Variants in CDH2 observed in about 807,000 individuals in gnomAD.
The protein encoded by CDH2 is cadherin 2, also known as cadherin-2.
In CDH2, 17 loss-of-function variants were observed where a neutral mutation model predicts 92.0. The ratio of observed to expected loss-of-function variants is 0.18; its 90% CI spans 0.13 to 0.28. The LOEUF is 0.28. Ranked by LOEUF, CDH2 falls within the 10% of genes least tolerant of loss-of-function variation. CDH2 has a pLI of 1.00. For missense variants in CDH2, 862 were observed against 1,133.1 expected, an observed-to-expected ratio of 0.76 and a Z score of 3.44; for synonymous variants, 419 against 415.9, an observed-to-expected ratio of 1.01 and a Z score of -0.09.
intron 15 of CDH2, among the ~76,000 whole-genome samples, chr18:27,956,454 T>C (rs117350047): frequency 0.018 from 2,687 of 152,288 alleles, 34 homozygotes; most frequent in Middle Eastern, 0.041. Context: ...AAACCCACAT[T>C]ATCCAGCGAG....
chr18:28,124,559 A>G (rs953650175), intron 2 of CDH2, among the ~76,000 whole-genome samples: 2 of 152,272 alleles, frequency 1.3e-5, no homozygotes, highest in Admixed American at 6.5e-5. Flanking sequence ...ACATCTCCCA[A>G]AAGGCTTTCC....
chr18:28,050,210 A>C lies in CDH2; in HGVS notation c.173-36301T>G, dbSNP rs533695580. On this transcript the variant is annotated intron_variant, in intron 2 of 15. Transcript: ENST00000269141. ...GCATCACTGTGGCAAATGCTAACTG[A>C]GAACAATATCAACAACACATCATCA... 1.5e-4 allele frequency among the ~76,000 whole-genome samples: 23 copies of C among 152,328 alleles called. 1 individual carries two copies. The highest frequency in any genetic ancestry group is 1.3e-3 in the Admixed American group (20 of 15,302).
At chr18:28,156,163 A>G (rs939455731) in intron 1 of CDH2, among the ~76,000 whole-genome samples, 2 of 152,140 alleles carry the variant, frequency 1.3e-5, no homozygotes, top group Admixed American at 1.3e-4. Flanking sequence ...TATTTTAATT[A>G]TCTTATTAGG....
At chr18:28,171,990 CAATT>C (rs1040993969) in intron 1 of CDH2, among the ~76,000 whole-genome samples, 3 of 151,984 alleles carry the variant, frequency 2.0e-5, no homozygotes, top group African/African-American at 7.3e-5. Context: ...AGTAATCAAT[CAATT>C]ATTGATTGAC....
intron 2 of CDH2, among the ~76,000 whole-genome samples, chr18:28,117,107 G>T (rs1307353159): frequency 1.3e-5 from 2 of 151,928 alleles, no homozygotes; most frequent in Non-Finnish European, 2.9e-5. Context: ...TTTTTATGCT[G>T]CTATTTAATA....
chr18:27,944,378 A>G (rs1909216350), intron 6 of CDH2, among the ~76,000 whole-genome samples: 1 of 152,172 alleles, frequency 6.6e-6, no homozygotes, highest in African/African-American at 2.4e-5. Flanking sequence ...CCATTTCATA[A>G]TTAAGTTAGC....
chr18:28,121,391 C>A (rs1188698824), intron 2 of CDH2, among the ~76,000 whole-genome samples: 2 of 152,004 alleles, frequency 1.3e-5, no homozygotes, highest in Non-Finnish European at 2.9e-5. Flanking sequence ...TATTCTAACT[C>A]CTTGGTCATT....
intron 1 of CDH2, among the ~76,000 whole-genome samples, chr18:28,170,239 T>G (rs956079235): frequency 6.6e-6 from 1 of 152,236 alleles, no homozygotes; most frequent in Non-Finnish European, 1.5e-5. Flanking sequence ...AAATCTACTG[T>G]TTGATTGTAT....
intron 6 of CDH2, among the ~76,000 whole-genome samples, chr18:27,941,546 C>T (rs1357244168): frequency 6.6e-6 from 1 of 152,106 alleles, no homozygotes; most frequent in Non-Finnish European, 1.5e-5. Flanking sequence ...TTAACGAAAG[C>T]AATTAGATAT....
At chr18:28,176,113 C>T (rs2144379818) in intron 1 of CDH2, among the ~76,000 whole-genome samples, 1 of 152,278 alleles carries the variant, frequency 6.6e-6, no homozygotes, top group Non-Finnish European at 1.5e-5. Flanking sequence ...GCGGAGGAGC[C>T]TCTTAGTAGA....
chr18:28,006,598 T>C (rs1206415625), intron 5 of CDH2, among the ~76,000 whole-genome samples: 1 of 150,738 alleles, frequency 6.6e-6, no homozygotes, highest in Non-Finnish European at 1.5e-5. Context: ...TGGTGGCATA[T>C]GTCTGTAAGC....
intron 1 of CDH2, among the ~76,000 whole-genome samples, chr18:28,167,976 G>A (rs2016411157): frequency 6.6e-6 from 1 of 152,114 alleles, no homozygotes; most frequent in South Asian, 2.1e-4. Context: ...GACTTTGAAT[G>A]TCTGTGTTAA....
chr18:28,068,471 T>C (rs934355173), intron 2 of CDH2, among the ~76,000 whole-genome samples: 1 of 152,180 alleles, frequency 6.6e-6, no homozygotes, highest in Non-Finnish European at 1.5e-5. Flanking sequence ...ACTTTGAACA[T>C]TCTGAGATGG....
At chr18:28,119,540 CAATAATG>C (rs1568005799) in intron 2 of CDH2, among the ~76,000 whole-genome samples, 1 of 152,040 alleles carries the variant, frequency 6.6e-6, no homozygotes, top group Non-Finnish European at 1.5e-5. Flanking sequence ...ATAAAGCATT[CAATAATG>C]CCTTAATATT....
At chr18:27,936,944 A>T (rs1057080647) in intron 6 of CDH2, among the ~76,000 whole-genome samples, 2 of 152,220 alleles carry the variant, frequency 1.3e-5, no homozygotes, top group South Asian at 4.1e-4. Context: ...CAAGTTTTAG[A>T]GATATTCTAA....
chr18:27,950,732 T>TATCA (rs371384774), downstream of CDH2, among the ~76,000 whole-genome samples: 492 of 152,304 alleles, frequency 3.2e-3, 4 homozygotes, highest in African/African-American at 0.01. Context: ...GTGATTTTTC[T>TATCA]ATCACCACCA....
intron 2 of CDH2, among the ~76,000 whole-genome samples, chr18:28,131,792 T>C (rs1482096684): frequency 6.6e-6 from 1 of 151,754 alleles, no homozygotes; most frequent in Non-Finnish European, 1.5e-5. Flanking sequence ...AGCATCCCAT[T>C]TCCATCTTTC....
At chr18:27,973,323 C>T (rs1365414152) in intron 14 of CDH2, among the ~76,000 whole-genome samples, 2 of 152,136 alleles carry the variant, frequency 1.3e-5, no homozygotes, top group Non-Finnish European at 2.9e-5. Flanking sequence ...CTAAGAGGCA[C>T]TTCTATTATA....
chr18:28,104,244 A>G (rs1190425612), intron 2 of CDH2, among the ~76,000 whole-genome samples: 1 of 152,194 alleles, frequency 6.6e-6, no homozygotes, highest in Non-Finnish European at 1.5e-5. Context: ...AGTATTTACC[A>G]TATATTCATT....
Sources: allele counts gnomAD v4.1 joint callset (sites outside exome capture counted in the v4.1 genomes callset), GRCh38; gene constraint gnomAD v4.1.1; transcripts MANE v1.5; gene names NCBI Gene and HGNC (gene_info 2026-07-23, HGNC 2026-07-21).